ADORA2B: variants seen among roughly 807,000 people sequenced by gnomAD.
The protein encoded by ADORA2B is adenosine A2b receptor.
A neutral mutation model predicts 20.8 loss-of-function variants in ADORA2B; 18 were observed. The ratio of observed to expected loss-of-function variants is 0.87; its 90% confidence interval spans 0.60 to 1.29. The LOEUF (loss-of-function observed/expected upper bound fraction) is 1.29. Ranked by LOEUF, ADORA2B falls within the 50% of genes most tolerant of loss-of-function variation. The probability of loss-of-function intolerance (pLI) is 0.00; values close to 1 mark genes in which losing one functional copy is unlikely to be tolerated. For synonymous variants in ADORA2B, 179 were observed against 178.3 expected (o/e 1.00, Z -0.03); for missense variants, 441 against 422.7 (o/e 1.04, Z -0.38).
chr17:15,868,809 A>G, the ADORA2B span, among the ~76,000 whole-genome samples: 1 of 150,620 alleles, frequency 6.6e-6, no homozygotes, highest in Non-Finnish European at 1.5e-5. Context: ...AACCCCACCA[A>G]ATAGCACGTT....
intron 1 of ADORA2B, among the ~76,000 whole-genome samples, chr17:15,970,399 G>A (rs556301474): frequency 1.3e-5 from 2 of 152,282 alleles, no homozygotes; most frequent in Middle Eastern, 3.4e-3. Flanking sequence ...TTCAGATGGG[G>A]TGGACTCCAG....
chr17:15,919,642 G>A, the ADORA2B span, among the ~76,000 whole-genome samples: 1 of 152,008 alleles, frequency 6.6e-6, no homozygotes, highest in Non-Finnish European at 1.5e-5. Flanking sequence ...TGGGTGCCTT[G>A]AAGCCCAGTG....
At chr17:15,940,375 A>G (rs1373112549), upstream of ADORA2B, among the ~76,000 whole-genome samples, 1 of 152,220 alleles carries the variant, frequency 6.6e-6, no homozygotes, top group African/African-American at 2.4e-5. Context: ...AGCCAGTCCC[A>G]AGCTTGAACC....
chr17:15,950,876 A>G (rs1458737841), intron 1 of ADORA2B, among the ~76,000 whole-genome samples: 1 of 152,178 alleles, frequency 6.6e-6, no homozygotes, highest in East Asian at 1.9e-4. Flanking sequence ...CTTCTCAGCC[A>G]CTGCATTGGT....
chr17:15,925,988 G>C, the ADORA2B span, among the ~76,000 whole-genome samples: 1 of 151,968 alleles, frequency 6.6e-6, no homozygotes, highest in Admixed American at 6.5e-5. Context: ...AACAGATTTA[G>C]GGTTAAGGCG....
At chr17:15,953,142 T>C (rs1404976904) in intron 1 of ADORA2B, among the ~76,000 whole-genome samples, 1 of 152,084 alleles carries the variant, frequency 6.6e-6, no homozygotes, top group African/African-American at 2.4e-5. Context: ...GCAGGGGGAC[T>C]CCTGAGCTGG....
chr17:15,911,503 T>C, the ADORA2B span, among the ~76,000 whole-genome samples: 252 of 152,310 alleles, frequency 1.7e-3, 1 homozygote, highest in African/African-American at 5.6e-3. Context: ...GTTTCTATGC[T>C]GGATGGTGTT....
the ADORA2B span, among the ~76,000 whole-genome samples, chr17:15,912,679 G>A: frequency 6.6e-6 from 1 of 152,138 alleles, no homozygotes; most frequent in African/African-American, 2.4e-5. Context: ...CTGCTCAGTG[G>A]TTCACACATG....
At chr17:15,851,285 C>T in the ADORA2B span, among the ~76,000 whole-genome samples, 1 of 150,032 alleles carries the variant, frequency 6.7e-6, no homozygotes, top group Non-Finnish European at 1.5e-5. Flanking sequence ...GCTCTGTCCA[C>T]TGAGCTTCCA....
intron 1 of ADORA2B, among the ~76,000 whole-genome samples, chr17:15,958,325 A>T (rs1187353062): frequency 6.6e-6 from 1 of 152,126 alleles, no homozygotes; most frequent in Non-Finnish European, 1.5e-5. Flanking sequence ...GCCCAGGTAC[A>T]CTTCTTAAAC....
At chr17:15,868,941 C>T in the ADORA2B span, among the ~76,000 whole-genome samples, 2 of 150,878 alleles carry the variant, frequency 1.3e-5, no homozygotes, top group South Asian at 2.1e-4. Flanking sequence ...GGGAGTACAT[C>T]GGGTGGAGTA....
chr17:15,954,407 C>T (rs576223217), intron 1 of ADORA2B, among the ~76,000 whole-genome samples: 13 of 152,346 alleles, frequency 8.5e-5, no homozygotes, highest in Non-Finnish European at 1.3e-4. Context: ...CCCACATCCT[C>T]GTGATCACCC....
rs1276230728 is a variant in ADORA2B at position 15,975,311 on chromosome 17, G to C, written c.968G>C (p.Gly323Ala). 1 of 1,612,752 alleles carries C rather than the reference G, an allele frequency of 6.2e-7. No individual in the cohort carries two copies. Among genetic ancestry groups the C allele is most frequent in the Non-Finnish European group, 8.5e-7 (1 of 1,179,978 alleles). Residue 323 changes from glycine to alanine, a missense_variant, in exon 2 of 2, where the codon GGG becomes GCG. By Grantham distance (60) the Gly-to-Ala change is moderately conservative. Transcript: ENST00000304222. Reference protein sequence around the residue: ...ADVKSGNGQAGVQPALGVGL With the variant: ...ADVKSGNGQAAVQPALGVGL ...GTCAAGAGTGGGAATGGTCAGGCTG[G>C]GGTACAGCCTGCTCTCGGTGTGGGC...
chr17:15,883,915 G>A, the ADORA2B span, among the ~76,000 whole-genome samples: 1 of 152,214 alleles, frequency 6.6e-6, no homozygotes, highest in Non-Finnish European at 1.5e-5. Context: ...ATTAAAGCTA[G>A]CAGTGATGAA....
chr17:15,945,476 C>T lies in ADORA2B; in HGVS notation c.228C>T (p.Tyr76=), dbSNP rs375155993. 3.1e-6 allele frequency: 5 copies of T among 1,613,078 alleles called. No homozygotes were observed. The highest frequency in any genetic ancestry group is 4.2e-6 in the Non-Finnish European group (5 of 1,179,888). ...TISLGFCTDF[Y]GCLFLACFVL... is the part of the protein sequence containing the mutation. ...GCCTGGGCTTCTGCACTGACTTCTA[C>T]GGCTGCCTCTTCCTCGCCTGCTTCG... The change falls in exon 1 of 2, where the codon TAC becomes TAT. Residue 76 remains tyrosine (Y), a synonymous_variant. Transcript: ENST00000304222.
chr17:15,892,642 TTTTC>T, the ADORA2B span, among the ~76,000 whole-genome samples: 31 of 147,698 alleles, frequency 2.1e-4, no homozygotes, highest in South Asian at 1.0e-3. Context: ...TTTTTTCTTT[TTTTC>T]TTTCTTTCTT....
intron 1 of ADORA2B, among the ~76,000 whole-genome samples, chr17:15,958,013 A>C (rs1597425343): frequency 6.9e-6 from 1 of 145,464 alleles, no homozygotes. Flanking sequence ...TGTCAGGTAC[A>C]CTTCCTTTTT....
the ADORA2B span, among the ~76,000 whole-genome samples, chr17:15,935,866 C>CTTTTTT: frequency 1.5e-5 from 2 of 130,104 alleles, no homozygotes; most frequent in African/African-American, 2.9e-5. Context: ...TGTTATTGTA[C>CTTTTTT]TTTTTTTTTT....
chr17:15,925,557 G>A, the ADORA2B span, among the ~76,000 whole-genome samples: 24 of 152,322 alleles, frequency 1.6e-4, no homozygotes, highest in African/African-American at 5.8e-4. Context: ...TTGCATGAGA[G>A]GTCTTCCCTT....
Sources: gnomAD v4.1 joint callset for allele counts (sites outside exome capture counted in the v4.1 genomes callset) on GRCh38, gnomAD v4.1.1 for gene constraint, MANE v1.5 for transcripts, NCBI Gene and HGNC (gene_info 2026-07-23, HGNC 2026-07-21) for gene names.